The following TASOR2 variants were observed in gnomAD, a reference collection of about 807,000 sequenced individuals.
The protein encoded by TASOR2 is protein TASOR 2.
Under a neutral mutation model 199.5 loss-of-function variants are expected in TASOR2, and 84 were observed. That is an observed-to-expected ratio of 0.42 (90% confidence interval 0.35 to 0.50). The LOEUF (loss-of-function observed/expected upper bound fraction) is 0.50. Among genes scored for constraint, TASOR2 ranks in the 20% least tolerant of loss-of-function variants. TASOR2 has a pLI of 0.02. For missense variants in TASOR2, 2,796 were observed against 2,835.9 expected, an observed-to-expected ratio of 0.99 and a Z score of 0.32; for synonymous variants, 1,103 against 1,046.6, an observed-to-expected ratio of 1.05 and a Z score of -1.04.
At chr10:5,716,551 A>G (rs1039322382) in intron 2 of TASOR2, among the ~76,000 whole-genome samples, 1 of 152,138 alleles carries the variant, frequency 6.6e-6, no homozygotes, top group Non-Finnish European at 1.5e-5. Context: ...TCATTTCATT[A>G]TGAAAAATTC....
exon 15 of TASOR2, chr10:5,749,760 T>A: frequency 6.2e-7 from 1 of 1,614,218 alleles, no homozygotes; most frequent in Non-Finnish European, 8.5e-7. Flanking sequence ...TTATTCTCAA[T>A]GAGTATGCTG....
intron 16 of TASOR2, 37 bp from the exon 18 acceptor site, chr10:5,757,483 A>T: frequency 1.0e-5 from 16 of 1,553,210 alleles, no homozygotes; most frequent in Middle Eastern, 1.7e-4. Context: ...GTGCCCAGTG[A>T]GCCTCTCTTC....
At chr10:5,741,522 C>T (rs1164608161) in intron 13 of TASOR2, among the ~76,000 whole-genome samples, 3 of 152,194 alleles carry the variant, frequency 2.0e-5, no homozygotes, top group Non-Finnish European at 4.4e-5. Context: ...CTCCAGCGAT[C>T]TGCCATCCTT....
intron 1 of TASOR2, among the ~76,000 whole-genome samples, chr10:5,708,643 CCTTCCTTCCTTCCTTTCCTTCCTTT>C (rs1476973016): frequency 2.4e-3 from 68 of 28,190 alleles, no homozygotes; most frequent in Middle Eastern, 0.026. Flanking sequence ...TCCCTTCCTT[CCTTCCTTCCTTCCTTTCCTTCCTTT>C]CTTCCTTCCT....
In TASOR2 at chr10:5,752,105, C is replaced by T. The variant is rs1838134130; in HGVS notation, c.6606+2078C>T. Among the ~76,000 whole-genome samples, 1 of 152,160 alleles carries T rather than the reference C, an allele frequency of 6.6e-6. No homozygotes were observed. The highest frequency in any genetic ancestry group is 1.5e-5 in the Non-Finnish European group (1 of 68,036). ...GCGCGGGCCAGCTGCCCTCCCCCTA[C>T]CCTTGCAGCAGAAAGCTCCATTCAG... On this transcript the variant is annotated intron_variant, in intron 15 of 20. Coordinates refer to ENST00000328090, the Ensembl canonical transcript of TASOR2. This position sits in a 1 kb window ranked among gnomAD's most constrained non-coding sequence, Gnocchi z 4.4.
chr10:5,724,431 C>T, exon 8 of TASOR2: 1 of 1,504,588 alleles, frequency 6.6e-7, no homozygotes, highest in African/African-American at 1.4e-5. Flanking sequence ...TCTCTACAGT[C>T]TGTTTTCAAG....
chr10:5,685,063 T>C lies in TASOR2; in HGVS notation c.-400T>C. 2.5e-6 allele frequency: 1 copy of C among 398,000 alleles called. No homozygotes were observed. The highest frequency in any genetic ancestry group is 4.4e-6 in the Non-Finnish European group (1 of 225,598). The allele number at this position is 398,000 out of a possible 1,614,324, so 24.7% of individuals were successfully genotyped here. ...GAGCCGGCGACTGGTGCTTCCCACG[T>C]GCGCCGGTGTCGCGAGGGCCCGGGA... On this transcript the variant is annotated 5_prime_UTR_variant, in exon 1 of 21. Coordinates refer to ENST00000328090, the Ensembl canonical transcript of TASOR2. The surrounding 1 kb of genome is among the most constrained non-coding windows in gnomAD (Gnocchi z 5.4).
At chr10:5,700,555 G>A (rs952191999) in intron 1 of TASOR2, among the ~76,000 whole-genome samples, 12 of 152,200 alleles carry the variant, frequency 7.9e-5, no homozygotes, top group Non-Finnish European at 1.5e-5. Flanking sequence ...TACCAGCAGT[G>A]TATAAGGGTT....
intron 8 of TASOR2, among the ~76,000 whole-genome samples, chr10:5,726,610 T>A (rs1399777753): frequency 6.6e-6 from 1 of 152,228 alleles, no homozygotes; most frequent in African/African-American, 2.4e-5. Flanking sequence ...GTGAAAAAAA[T>A]AAGTCTTTTC....
exon 21 of TASOR2, chr10:5,763,065 C>T: frequency 6.2e-7 from 1 of 1,605,916 alleles, no homozygotes; most frequent in Non-Finnish European, 8.5e-7. Flanking sequence ...ATGGATGATG[C>T]CAATAAAAAA....
At position 5,710,824 on chromosome 10, in the gene TASOR2, T is replaced by C. The variant is rs1831814628; in HGVS notation, c.-287-1999T>C. ...TGAAACTTTCTTGCTTTTTTATAAA[T>C]ATCAAATATAAAGTTCCCAAAATTA... On this transcript the variant is annotated intron_variant, in intron 1 of 20. Coordinates refer to ENST00000328090, the Ensembl canonical transcript of TASOR2. The surrounding 1 kb of genome is among the most constrained non-coding windows in gnomAD (Gnocchi z 4.6). Among the ~76,000 whole-genome samples, 1 of 152,122 alleles carries C rather than the reference T, an allele frequency of 6.6e-6. No individual in the cohort carries two copies.
At chr10:5,741,094 A>C (rs925241120) in intron 13 of TASOR2, among the ~76,000 whole-genome samples, 3 of 152,264 alleles carry the variant, frequency 2.0e-5, no homozygotes, top group South Asian at 2.1e-4. Flanking sequence ...AGTGCTTCTT[A>C]ATTGTGTGTG....
chr10:5,732,430 G>C (rs1476652629), intron 11 of TASOR2, among the ~76,000 whole-genome samples: 1 of 152,234 alleles, frequency 6.6e-6, no homozygotes, highest in African/African-American at 2.4e-5. Context: ...TCACAGAAAA[G>C]TTTGCCAAGC....
chr10:5,724,172 C>G (rs932137410), intron 7 of TASOR2, among the ~76,000 whole-genome samples: 4 of 107,104 alleles, frequency 3.7e-5, no homozygotes, highest in African/African-American at 1.5e-4. Flanking sequence ...TCATGGAGCA[C>G]TGATGTTTAT....
chr10:5,729,388 CTT>C (rs1834493039), intron 10 of TASOR2, among the ~76,000 whole-genome samples: 1 of 150,798 alleles, frequency 6.6e-6, no homozygotes, highest in Non-Finnish European at 1.5e-5. Flanking sequence ...AGAGCAATAA[CTT>C]TAAAACAATT....
intron 1 of TASOR2, chr10:5,692,767 T>G (rs749057667): frequency 1.3e-5 from 2 of 152,050 alleles, no homozygotes; most frequent in Non-Finnish European, 2.9e-5. Flanking sequence ...CTTGTTGACT[T>G]TCAAAAGGCG....
At position 5,754,724 on chromosome 10, in the gene TASOR2, C is replaced by T. The variant is rs530977134; in HGVS notation, c.6607-1889C>T. Among the ~76,000 whole-genome samples the T allele has an allele frequency of 2.0e-5, 3 of 152,152 alleles. No homozygotes were observed. In the South Asian group the frequency reaches 6.2e-4, roughly 32 times the overall value. On this transcript the variant is annotated intron_variant, in intron 15 of 20. Coordinates refer to ENST00000328090, the Ensembl canonical transcript of TASOR2. This position sits in a 1 kb window ranked among gnomAD's most constrained non-coding sequence, Gnocchi z 4.3. ...TTTACAACAGAAAATAACAAATGTG[C>T]AAAGGTAAAACTACTTGTCAACTGA...
exon 15 of TASOR2, chr10:5,746,766 T>C: frequency 6.2e-7 from 1 of 1,614,174 alleles, no homozygotes. Flanking sequence ...CTCTAGTAGT[T>C]GCAGGACAGA....
chr10:5,695,925 G>A (rs772343796), intron 1 of TASOR2, among the ~76,000 whole-genome samples: 25 of 152,128 alleles, frequency 1.6e-4, no homozygotes, highest in Non-Finnish European at 3.1e-4. Context: ...GGGAATAGAA[G>A]GGTTGGTTGA....
Sources: allele counts gnomAD v4.1 joint callset (sites outside exome capture counted in the v4.1 genomes callset), GRCh38; gene constraint gnomAD v4.1.1; non-coding constraint Gnocchi (gnomAD v3.1); transcripts MANE v1.5; gene names NCBI Gene and HGNC (gene_info 2026-07-23, HGNC 2026-07-21).